The following CMIP variants were observed in gnomAD, a reference collection of about 807,000 sequenced individuals.
CMIP encodes c-Maf inducing protein.
CMIP carries 13 observed loss-of-function variants against 97.3 expected under a neutral mutation model. That is an observed-to-expected ratio of 0.13 (90% CI 0.09 to 0.21). The LOEUF (loss-of-function observed/expected upper bound fraction) is 0.21. Among genes scored for constraint, CMIP ranks in the 10% least tolerant of loss-of-function variants. The pLI, the probability that CMIP is intolerant of heterozygous loss-of-function variation, is 1.00. For synonymous variants in CMIP, 538 were observed against 436.3 expected (o/e 1.23, Z -2.91); for missense variants, 847 against 1,024.9 (o/e 0.83, Z 2.37).
chr16:81,656,601 C>T (rs775965229), intron 4 of CMIP, among the ~76,000 whole-genome samples: 1 of 152,218 alleles, frequency 6.6e-6, no homozygotes, highest in Non-Finnish European at 1.5e-5. Flanking sequence ...CGGCACAGGT[C>T]GAGCATCTCT....
Position 81,621,172 on chromosome 16 carries a change from C to T in CMIP, c.477+246C>T, listed in dbSNP as rs2091987447. 2 of 443,338 alleles carry T rather than the reference C, an allele frequency of 4.5e-6. No individual in the cohort carries two copies. Among genetic ancestry groups the T allele is most frequent in the South Asian group, 2.7e-5 (1 of 37,012 alleles). The allele number at this position is 443,338 out of a possible 1,614,324, so 27.5% of individuals were successfully genotyped here. A position where few individuals can be genotyped will look rare whatever the true frequency, so the allele number is the denominator to read the frequency against. ...CTCAAACCCTATAGCTGTTTTCCTG[C>T]TTCAAAAGGATCATAGAACTGCTTG... On this transcript the variant is annotated intron_variant, in intron 3 of 20. Coordinates refer to ENST00000537098, the MANE Select transcript of CMIP (RefSeq NM_198390.3). The surrounding 1 kb of genome is among the most constrained non-coding windows in gnomAD (Gnocchi z 4.1).
chr16:81,534,921 C>G (rs2090312572), intron 1 of CMIP, among the ~76,000 whole-genome samples: 1 of 152,176 alleles, frequency 6.6e-6, no homozygotes, highest in Non-Finnish European at 1.5e-5. Flanking sequence ...TGCTCTGCCA[C>G]TGTGCTGTTT....
Position 81,480,441 on chromosome 16 carries a change from G to A in CMIP, c.300+34900G>A, listed in dbSNP as rs371316357. On this transcript the variant is annotated intron_variant, in intron 1 of 20. Coordinates refer to ENST00000537098, the MANE Select transcript of CMIP (RefSeq NM_198390.3). Reference sequence around the variant, plus strand: ...TGTAATCCTAGCTACTCAGGAGGCTGAGGCATGAGAATCGCTTGAACCCGA... The same window carrying A: ...TGTAATCCTAGCTACTCAGGAGGCTAAGGCATGAGAATCGCTTGAACCCGA... Among the ~76,000 whole-genome samples the A allele has an allele frequency of 1.6e-4, 25 of 152,202 alleles. 1 individual carries two copies. The East Asian group carries it at 1.9e-3, about 12-fold the overall frequency.
intron 7 of CMIP, chr16:81,666,119 A>T (rs1340422723): frequency 6.6e-6 from 1 of 152,224 alleles, no homozygotes; most frequent in African/African-American, 2.4e-5. Flanking sequence ...TTGGGCGCTC[A>T]TAGTTTCAAG....
chr16:81,468,030 G>A (rs1597454266), intron 1 of CMIP, among the ~76,000 whole-genome samples: 1 of 152,080 alleles, frequency 6.6e-6, no homozygotes. Flanking sequence ...GGGATCACAG[G>A]AGTGCACCAC....
chr16:81,610,606 G>A (rs1206524168), intron 2 of CMIP: 1 of 910,908 alleles, frequency 1.1e-6, no homozygotes. Context: ...GTCAGGGGAG[G>A]TAGACCTGGA....
At chr16:81,539,051 A>C (rs918439059) in intron 1 of CMIP, among the ~76,000 whole-genome samples, 1 of 152,204 alleles carries the variant, frequency 6.6e-6, no homozygotes, top group African/African-American at 2.4e-5. Flanking sequence ...GAGGAAGAGC[A>C]CACACCGATG....
At chr16:81,618,416 T>G (rs2091949686) in intron 2 of CMIP, 1 of 152,232 alleles carries the variant, frequency 6.6e-6, no homozygotes, top group Non-Finnish European at 1.5e-5. Context: ...GACCTTGAAC[T>G]TGGTCACATC....
intron 4 of CMIP, among the ~76,000 whole-genome samples, chr16:81,656,377 A>G (rs2092482082): frequency 6.6e-6 from 1 of 152,258 alleles, no homozygotes; most frequent in Non-Finnish European, 1.5e-5. Context: ...CGATCTTGCC[A>G]ACACTGTTCA....
At chr16:81,525,232 C>T (rs2090108136) in intron 1 of CMIP, among the ~76,000 whole-genome samples, 1 of 152,218 alleles carries the variant, frequency 6.6e-6, no homozygotes, top group Non-Finnish European at 1.5e-5. Context: ...CAACCACCAT[C>T]TCCCAGGTTG....
intron 7 of CMIP, among the ~76,000 whole-genome samples, chr16:81,667,652 C>G (rs972511964): frequency 1.3e-5 from 2 of 151,944 alleles, no homozygotes; most frequent in Non-Finnish European, 2.9e-5. Flanking sequence ...GACCCTCATT[C>G]CATAGTGGGG....
intron 1 of CMIP, among the ~76,000 whole-genome samples, chr16:81,558,258 G>T (rs59767242): frequency 0.1 from 15,633 of 152,008 alleles, 895 homozygotes; most frequent in South Asian, 0.13. Context: ...AATGCAGGCC[G>T]TGCTTCTCCA....
At chr16:81,598,452 C>T (rs947483998) in intron 1 of CMIP, among the ~76,000 whole-genome samples, 6 of 152,204 alleles carry the variant, frequency 3.9e-5, no homozygotes, top group Non-Finnish European at 8.8e-5. Context: ...AGATACGGAG[C>T]GTTTGCATCA....
intron 1 of CMIP, among the ~76,000 whole-genome samples, chr16:81,547,559 A>C (rs989481645): frequency 1.3e-5 from 2 of 151,994 alleles, no homozygotes; most frequent in Admixed American, 6.5e-5. Context: ...CTTGGAGACA[A>C]ACTTACCGTT....
chr16:81,701,861 G>A, intron 16 of CMIP, 61 bp downstream of exon 16: 1 of 1,600,168 alleles, frequency 6.2e-7, no homozygotes, highest in Admixed American at 1.7e-5. Flanking sequence ...GGCCAGGGCG[G>A]GATGCGGGGC....
chr16:81,658,877 GGGCCTT>G (rs1204834006), intron 5 of CMIP, among the ~76,000 whole-genome samples: 1 of 152,230 alleles, frequency 6.6e-6, no homozygotes, highest in African/African-American at 2.4e-5. Flanking sequence ...AGCCGAATCA[GGGCCTT>G]GGGGGACCCA....
chr16:81,620,855 G>C (rs2091983106), intron 2 of CMIP, 21 bp from the exon 3 acceptor site: 2 of 1,613,810 alleles, frequency 1.2e-6, no homozygotes, highest in South Asian at 1.1e-5. Flanking sequence ...GGACCTTGCT[G>C]TCCTGTTCTT....
At chr16:81,703,707 TC>T in intron 17 of CMIP, 1 of 571,616 alleles carries the variant, frequency 1.7e-6, no homozygotes, top group Non-Finnish European at 3.1e-6. Flanking sequence ...GGAGGCTTTC[TC>T]CTCCGCCTGG....
intron 7 of CMIP, chr16:81,667,302 C>T (rs1036891294): frequency 2.6e-5 from 4 of 152,212 alleles, no homozygotes; most frequent in African/African-American, 9.6e-5. Flanking sequence ...GTATGTTCCT[C>T]TGGAGATTCA....
Sources: allele counts gnomAD v4.1 joint callset (sites outside exome capture counted in the v4.1 genomes callset), GRCh38; gene constraint gnomAD v4.1.1; non-coding constraint Gnocchi (gnomAD v3.1); transcripts MANE v1.5; gene names NCBI Gene and HGNC (gene_info 2026-07-23, HGNC 2026-07-21).